The following CLMP variants were observed in gnomAD, a reference collection of about 807,000 sequenced individuals.
CLMP encodes the protein CXADR-like membrane protein.
CLMP carries 27 observed loss-of-function variants against 45.2 expected under a neutral mutation model. The ratio of observed to expected loss-of-function variants is 0.60; its 90% CI spans 0.44 to 0.82. The LOEUF (loss-of-function observed/expected upper bound fraction) is 0.82. Ranked by LOEUF, CLMP falls within the 40% of genes least tolerant of loss-of-function variation. CLMP has a pLI of 0.00. For missense variants in CLMP, 403 were observed against 448.4 expected (o/e 0.90, Z 0.91); for synonymous variants, 167 against 171.4 (o/e 0.97, Z 0.20).
At chr11:123,184,710 A>G (rs2135549926) in intron 1 of CLMP, among the ~76,000 whole-genome samples, 1 of 152,372 alleles carries the variant, frequency 6.6e-6, no homozygotes, top group South Asian at 2.1e-4. Flanking sequence ...AGTTCAAACT[A>G]AAGCTGAAAG....
intron 1 of CLMP, among the ~76,000 whole-genome samples, chr11:123,141,222 T>A (rs1861152466): frequency 9.1e-6 from 1 of 109,380 alleles, no homozygotes; most frequent in Non-Finnish European, 1.7e-5. Flanking sequence ...TCTCACTTTG[T>A]CGCCCAGGCT....
chr11:123,187,353 G>A (rs889865356), intron 1 of CLMP, among the ~76,000 whole-genome samples: 16 of 152,366 alleles, frequency 1.1e-4, no homozygotes, highest in African/African-American at 3.8e-4. Context: ...TGGAAGTAAT[G>A]AGAAGTGACA....
rs1188437840 is a variant in CLMP, at chr11:123,174,072, A to T, written c.28+20841T>A. ...CATTCCAGCCTGGGCAACAGGTGGG[A>T]CCCTGTTTCAAAAAAAATTTTTTTT... On this transcript the variant is annotated intron_variant, in intron 1 of 6. Transcript: ENST00000448775. Among the ~76,000 whole-genome samples, 4 of 152,088 alleles carry T rather than the reference A, an allele frequency of 2.6e-5. No individual in the cohort carries two copies. In the East Asian group the frequency reaches 7.7e-4, roughly 29 times the overall value.
chr11:123,106,267 AT>A (rs750475330), intron 1 of CLMP, among the ~76,000 whole-genome samples: 2 of 151,946 alleles, frequency 1.3e-5, no homozygotes, highest in African/African-American at 2.4e-5. Flanking sequence ...AGTTTATTAA[AT>A]TTGTATGCCT....
chr11:123,119,230 C>T (rs548757688), intron 1 of CLMP, among the ~76,000 whole-genome samples: 11 of 151,750 alleles, frequency 7.2e-5, no homozygotes, highest in Admixed American at 1.3e-4. Flanking sequence ...ATTACAGGCA[C>T]GCGCCACCAC....
At chr11:123,117,720 C>A (rs867564411) in intron 1 of CLMP, among the ~76,000 whole-genome samples, 1 of 152,224 alleles carries the variant, frequency 6.6e-6, no homozygotes. Context: ...AGCCACCATG[C>A]CTGGCTGAGA....
chr11:123,168,494 G>A (rs572587002), intron 1 of CLMP, among the ~76,000 whole-genome samples: 10 of 152,160 alleles, frequency 6.6e-5, no homozygotes, highest in Non-Finnish European at 1.3e-4. Context: ...GGATATTCAC[G>A]GGGAATGAGG....
At position 123,079,466 on chromosome 11, in the gene CLMP, G is replaced by A. The variant is rs1420213646; in HGVS notation, c.679+3619C>T. Among the ~76,000 whole-genome samples the A allele has an allele frequency of 3.3e-5, 5 of 151,082 alleles. No individual in the cohort carries two copies. In the South Asian group the frequency reaches 1.0e-3, roughly 32 times the overall value. On this transcript the variant is annotated intron_variant, in intron 5 of 6. Coordinates refer to ENST00000448775, the MANE Select transcript of CLMP (RefSeq NM_024769.5). ...TACTTTTTTTGTTTTGTTTTGTTTTGTTTTTGAGACGGAGTCTCTCTCTGT... is the reference window on the plus strand; with the variant it reads ...TACTTTTTTTGTTTTGTTTTGTTTTATTTTTGAGACGGAGTCTCTCTCTGT...
At chr11:123,084,153 G>A (rs942059150) in intron 3 of CLMP, among the ~76,000 whole-genome samples, 5 of 152,186 alleles carry the variant, frequency 3.3e-5, no homozygotes, top group African/African-American at 1.2e-4. Context: ...TGGTTTTACT[G>A]ATACAGAAGT....
chr11:123,119,224 C>T (rs1860778143), intron 1 of CLMP, among the ~76,000 whole-genome samples: 1 of 151,796 alleles, frequency 6.6e-6, no homozygotes, highest in South Asian at 2.1e-4. Context: ...GCTGGAATTA[C>T]AGGCACGCGC....
At chr11:123,170,027 T>C (rs1475023963) in intron 1 of CLMP, among the ~76,000 whole-genome samples, 2 of 152,206 alleles carry the variant, frequency 1.3e-5, no homozygotes, top group African/African-American at 4.8e-5. Flanking sequence ...TGTAAATTTC[T>C]TATCAGACTT....
chr11:123,142,185 A>G (rs904193732), intron 1 of CLMP, among the ~76,000 whole-genome samples: 1 of 152,004 alleles, frequency 6.6e-6, no homozygotes, highest in African/African-American at 2.4e-5. Flanking sequence ...GAGTTTTGCC[A>G]TGTTGCCCAG....
At chr11:123,110,993 A>G (rs1860630630) in intron 1 of CLMP, among the ~76,000 whole-genome samples, 1 of 152,160 alleles carries the variant, frequency 6.6e-6, no homozygotes, top group Admixed American at 6.6e-5. Context: ...ATAATATTCT[A>G]TGAACTACTA....
rs548003559 is a variant in CLMP, at chr11:123,115,475, T to C, written c.29-17523A>G. 3.0e-4 allele frequency among the ~76,000 whole-genome samples: 45 copies of C among 152,198 alleles called. 1 individual carries two copies. In the South Asian group the frequency reaches 8.7e-3, roughly 29 times the overall value. ...ATGATTCAACAATGGCATTTTAGAG[T>C]AGGCTTTCAGAAACTACATGTCATT... On this transcript the variant is annotated intron_variant, in intron 1 of 6. Coordinates refer to ENST00000448775, the MANE Select transcript of CLMP (RefSeq NM_024769.5).
In CLMP at chr11:123,071,116, T is replaced by C. The variant is rs1228743307; in HGVS notation, c.*2358A>G. 1 of 152,182 alleles carries C rather than the reference T, an allele frequency of 6.6e-6. No homozygotes were observed. The highest frequency in any genetic ancestry group is 1.5e-5 in the Non-Finnish European group (1 of 68,038). The allele number at this position is 152,182 out of a possible 1,614,324, so 9.4% of individuals were successfully genotyped here. ...CCACATTCAGCATCAATTTTTTTCT[T>C]TCCTCTAACCTGCTCTTCTTTTAAA... is the stretch of plus-strand genomic sequence containing the variant. On this transcript the variant is annotated 3_prime_UTR_variant, in exon 7 of 7. Coordinates refer to ENST00000448775, the MANE Select transcript of CLMP (RefSeq NM_024769.5).
intron 1 of CLMP, among the ~76,000 whole-genome samples, chr11:123,146,122 G>C (rs1483058427): frequency 2.6e-5 from 4 of 152,196 alleles, no homozygotes; most frequent in Non-Finnish European, 4.4e-5. Flanking sequence ...TTGCATCTAG[G>C]TAAGCTGCAG....
intron 1 of CLMP, among the ~76,000 whole-genome samples, chr11:123,130,050 C>T (rs1860963033): frequency 6.6e-6 from 1 of 152,036 alleles, no homozygotes; most frequent in Non-Finnish European, 1.5e-5. Context: ...AGACTCTGCC[C>T]ACACTCAGAA....
intron 1 of CLMP, among the ~76,000 whole-genome samples, chr11:123,158,573 A>G (rs968852451): frequency 1.3e-5 from 2 of 152,110 alleles, no homozygotes; most frequent in Non-Finnish European, 2.9e-5. Context: ...GTTTTCCCAC[A>G]CTTGTCATGC....
chr11:123,139,910 T>G (rs1861131003), intron 1 of CLMP, among the ~76,000 whole-genome samples: 1 of 152,156 alleles, frequency 6.6e-6, no homozygotes, highest in Non-Finnish European at 1.5e-5. Context: ...ACATAATAGA[T>G]GCTGTCTGTC....
Sources: gnomAD v4.1 joint callset for allele counts (sites outside exome capture counted in the v4.1 genomes callset) on GRCh38, gnomAD v4.1.1 for gene constraint, MANE v1.5 for transcripts, NCBI Gene and HGNC (gene_info 2026-07-23, HGNC 2026-07-21) for gene names.